GRM5: variants seen among roughly 807,000 people sequenced by gnomAD.
GRM5 encodes the protein metabotropic glutamate receptor 5.
GRM5 carries 19 observed loss-of-function variants against 83.1 expected under a neutral mutation model. The ratio of observed to expected loss-of-function variants is 0.23; its 90% CI spans 0.16 to 0.34. The LOEUF is 0.34. GRM5 is among the 10% of genes least tolerant of loss of function. The pLI is 1.00. For missense variants in GRM5, 1,160 were observed against 1,588.3 expected (o/e 0.73, Z 4.58); for synonymous variants, 675 against 633.6 (o/e 1.07, Z -0.98).
intron 3 of GRM5, among the ~76,000 whole-genome samples, chr11:88,830,179 G>T (rs879544704): frequency 1.9e-4 from 29 of 151,962 alleles, no homozygotes; most frequent in Non-Finnish European, 4.0e-4. Context: ...TGTTAAAAAG[G>T]ATGAATGGAC....
intron 8 of GRM5, among the ~76,000 whole-genome samples, chr11:88,560,352 C>G (rs1260273160): frequency 6.6e-6 from 1 of 152,068 alleles, no homozygotes; most frequent in Admixed American, 6.6e-5. Flanking sequence ...CTATAGGCTC[C>G]TATCATGGCA....
chr11:88,833,182 T>C (rs527972793), intron 3 of GRM5, among the ~76,000 whole-genome samples: 6 of 151,916 alleles, frequency 3.9e-5, no homozygotes, highest in Non-Finnish European at 7.4e-5. Flanking sequence ...AGATAACCTG[T>C]TGAATGGAAG....
Position 88,667,569 on chromosome 11 carries a change from A to C in GRM5, c.912-14166T>G, listed in dbSNP as rs77548443. On this transcript the variant is annotated intron_variant, in intron 3 of 9. Coordinates refer to ENST00000305447, the MANE Select transcript of GRM5 (RefSeq NM_001143831.3). ...AGAGGTCATAGAAAAATAAAAATTTATGGAGAATTGCTTAAAAAAAGTATA... is the reference window on the plus strand; with the variant it reads ...AGAGGTCATAGAAAAATAAAAATTTCTGGAGAATTGCTTAAAAAAAGTATA... 7.2e-3 allele frequency among the ~76,000 whole-genome samples: 1,090 copies of C among 152,268 alleles called. 15 individuals carry two copies. Among genetic ancestry groups the C allele is most frequent in the African/African-American group, 0.025 (1,036 of 41,546 alleles).
chr11:88,666,221 A>G (rs916665239), intron 3 of GRM5, among the ~76,000 whole-genome samples: 6 of 152,222 alleles, frequency 3.9e-5, no homozygotes, highest in Non-Finnish European at 8.8e-5. Flanking sequence ...CCTGTTGTTT[A>G]TAAGAGAATG....
At position 88,604,885 on chromosome 11, in the gene GRM5, A is replaced by G; in HGVS notation, c.1227T>C (p.Tyr409=). 1.2e-6 allele frequency: 2 copies of G among 1,612,866 alleles called. No individual in the cohort carries two copies. The highest frequency in any genetic ancestry group is 1.1e-5 in the South Asian group (1 of 91,056). Residue 409 remains tyrosine (Y), a synonymous_variant, in exon 5 of 10, where the codon TAT becomes TAC. Transcript: ENST00000305447. ...FVINAIYSMA[Y]GLHNMQMSLC... The stretch of plus-strand genomic sequence containing the variant: ...GGGACATCTGCATGTTGTGGAGCCC[A>G]TAGGCCATCGAATAGATGGCGTTGA...
intron 2 of GRM5, among the ~76,000 whole-genome samples, chr11:89,031,482 G>A (rs1368513755): frequency 1.3e-5 from 2 of 151,760 alleles, no homozygotes; most frequent in Non-Finnish European, 2.9e-5. Flanking sequence ...CTCCCAAACT[G>A]GCAATGTTGT....
intron 2 of GRM5, among the ~76,000 whole-genome samples, chr11:89,014,911 G>T (rs867327149): frequency 6.6e-6 from 1 of 152,128 alleles, no homozygotes; most frequent in Non-Finnish European, 1.5e-5. Context: ...CTTCTTGTGG[G>T]CATAGTGCCC....
intron 2 of GRM5, among the ~76,000 whole-genome samples, chr11:88,922,727 G>C (rs1415415410): frequency 6.6e-6 from 1 of 151,978 alleles, no homozygotes; most frequent in Non-Finnish European, 1.5e-5. Context: ...ATGGACAAAG[G>C]GGATCATATC....
intron 3 of GRM5, among the ~76,000 whole-genome samples, chr11:88,673,166 A>G (rs1025541259): frequency 2.0e-5 from 3 of 151,964 alleles, no homozygotes; most frequent in Non-Finnish European, 4.4e-5. Context: ...TCCATTTTCA[A>G]GTACTTATTA....
intron 1 of GRM5, among the ~76,000 whole-genome samples, chr11:89,054,010 C>A (rs1941818738): frequency 6.6e-6 from 1 of 152,170 alleles, no homozygotes; most frequent in Admixed American, 6.5e-5. Flanking sequence ...CCTGTTTGGA[C>A]TTTAAAAGAC....
At chr11:88,769,850 G>A (rs1258763454) in intron 3 of GRM5, among the ~76,000 whole-genome samples, 7 of 152,106 alleles carry the variant, frequency 4.6e-5, no homozygotes, top group Admixed American at 1.3e-4. Flanking sequence ...AGGAGGGAGA[G>A]CAAAACTCTC....
At chr11:89,053,321 C>A (rs575346738) in intron 1 of GRM5, among the ~76,000 whole-genome samples, 2 of 152,012 alleles carry the variant, frequency 1.3e-5, no homozygotes, top group South Asian at 4.2e-4. Context: ...AACTTAGATA[C>A]CTGGAATACA....
chr11:88,915,104 G>C (rs1945566788), intron 2 of GRM5, among the ~76,000 whole-genome samples: 1 of 152,042 alleles, frequency 6.6e-6, no homozygotes, highest in African/African-American at 2.4e-5. Context: ...TTGAGCACTA[G>C]GTTTGACTAC....
intron 2 of GRM5, among the ~76,000 whole-genome samples, chr11:88,929,025 C>T (rs1048587982): frequency 2.2e-4 from 33 of 151,858 alleles, no homozygotes; most frequent in Non-Finnish European, 2.1e-4. Flanking sequence ...TAACATTGCT[C>T]TTTCTCTCAC....
At chr11:88,603,855 CAG>C (rs1225861308) in intron 5 of GRM5, among the ~76,000 whole-genome samples, 5 of 152,152 alleles carry the variant, frequency 3.3e-5, no homozygotes, top group African/African-American at 1.2e-4. Context: ...CAACTACAAA[CAG>C]AGTGTATAGA....
At chr11:88,921,177 C>T (rs1945686222) in intron 2 of GRM5, among the ~76,000 whole-genome samples, 1 of 151,762 alleles carries the variant, frequency 6.6e-6, no homozygotes, top group Non-Finnish European at 1.5e-5. Context: ...TGGAATTTAT[C>T]CCAGGGATAC....
chr11:88,980,911 G>A (rs2135022888), intron 2 of GRM5, among the ~76,000 whole-genome samples: 1 of 152,074 alleles, frequency 6.6e-6, no homozygotes, highest in South Asian at 2.1e-4. Flanking sequence ...TGGACAAATG[G>A]TGATGTAAAA....
At chr11:88,651,905 C>G (rs1389294502) in intron 4 of GRM5, among the ~76,000 whole-genome samples, 1 of 152,028 alleles carries the variant, frequency 6.6e-6, no homozygotes, top group East Asian at 1.9e-4. Context: ...CCCAAAAGAA[C>G]AAACTGATAC....
At position 88,821,765 on chromosome 11, in the gene GRM5, A is replaced by T. The variant is rs1943799884; in HGVS notation, c.911+28141T>A. ...ATAAATCACTTCAAATTTTGAACCT[A>T]TGTTTCCAGAGTCTTCTCTAGCCAC... On this transcript the variant is annotated intron_variant, in intron 3 of 9. Coordinates refer to ENST00000305447, the MANE Select transcript of GRM5 (RefSeq NM_001143831.3). Among the ~76,000 whole-genome samples, 4 of 152,110 alleles carry T rather than the reference A, an allele frequency of 2.6e-5. No homozygotes were observed. In the South Asian group the frequency reaches 8.3e-4, roughly 32 times the overall value.
Sources: gnomAD v4.1 joint callset for allele counts (sites outside exome capture counted in the v4.1 genomes callset) on GRCh38, gnomAD v4.1.1 for gene constraint, MANE v1.5 for transcripts, NCBI Gene and HGNC (gene_info 2026-07-23, HGNC 2026-07-21) for gene names.